The following RAPGEF2 variants were observed in gnomAD, a reference collection of about 807,000 sequenced individuals.
RAPGEF2 encodes the protein PDZ domain containing guanine nucleotide exchange factor (GEF) 1.
In RAPGEF2, 54 loss-of-function variants were observed where a neutral mutation model predicts 186.7. The ratio of observed to expected loss-of-function variants is 0.29; its 90% CI spans 0.23 to 0.36. The LOEUF (loss-of-function observed/expected upper bound fraction) is 0.36, where lower values mean the gene tolerates loss of function less well. Ranked by LOEUF, RAPGEF2 falls within the 10% of genes least tolerant of loss-of-function variation. The pLI, the probability that RAPGEF2 is intolerant of heterozygous loss-of-function variation, is 1.00. For missense variants in RAPGEF2, 1,532 were observed against 2,045.0 expected (o/e 0.75, Z 4.84); for synonymous variants, 712 against 705.9 (o/e 1.01, Z -0.14).
intron 7 of RAPGEF2, chr4:159,266,887 AT>A (rs1208117725): frequency 2.8e-4 from 50 of 181,014 alleles, no homozygotes; most frequent in Admixed American, 2.7e-3. Flanking sequence ...CAGTGATATT[AT>A]TTGGAGTCAG....
At position 159,332,795 on chromosome 4, in the gene RAPGEF2, G is replaced by C. The variant is rs80202817; in HGVS notation, c.2135+98G>C. ...TAATGTTTGCATGAGTCTGAAAACT[G>C]TTCTAGGTTTTTATGACTGAGCTAT... is the stretch of plus-strand genomic sequence containing the variant. On this transcript the variant is annotated intron_variant, in intron 17 of 29. Transcript: ENST00000691494. 23 of 1,386,984 alleles carry C rather than the reference G, an allele frequency of 1.7e-5. No individual in the cohort carries two copies. In the East Asian group the frequency reaches 5.4e-4, roughly 33 times the overall value. The allele number at this position is 1,386,984 out of a possible 1,614,324, so 85.9% of individuals were successfully genotyped here. A position where few individuals can be genotyped will look rare whatever the true frequency, so the allele number is the denominator to read the frequency against.
Position 159,331,611 on chromosome 4 carries a change from T to G in RAPGEF2, c.1576-19T>G, listed in dbSNP as rs750913546. The G allele has an allele frequency of 3.1e-6, 5 of 1,613,858 alleles. No homozygotes were observed. The highest frequency in any genetic ancestry group is 4.2e-6 in the Non-Finnish European group (5 of 1,179,734). On this transcript the variant is annotated intron_variant, in intron 14 of 29. Transcript: ENST00000691494. ...CAGCCTGTTCTTGAGTTGACACTAC[T>G]GTTTCTGAACTCTTAAAGAAAATGG...
intron 1 of RAPGEF2, among the ~76,000 whole-genome samples, chr4:159,182,480 CCTT>C (rs1747126870): frequency 6.9e-6 from 1 of 144,418 alleles, no homozygotes; most frequent in African/African-American, 2.6e-5. Flanking sequence ...ACTGCAACCT[CCTT>C]CTCCTGGGTT....
chr4:159,265,362 G>A (rs1757316016), intron 7 of RAPGEF2, among the ~76,000 whole-genome samples: 1 of 152,186 alleles, frequency 6.6e-6, no homozygotes, highest in African/African-American at 2.4e-5. Context: ...ACACTAACAT[G>A]AGATTTCTGA....
chr4:159,172,099 G>A (rs1260381461), intron 1 of RAPGEF2, among the ~76,000 whole-genome samples: 1 of 152,136 alleles, frequency 6.6e-6, no homozygotes, highest in African/African-American at 2.4e-5. Context: ...AGCTTATCAA[G>A]GATCTCAACT....
chr4:159,121,005 C>T (rs917975422), intron 1 of RAPGEF2, among the ~76,000 whole-genome samples: 23 of 152,224 alleles, frequency 1.5e-4, no homozygotes, highest in Non-Finnish European at 1.0e-4. Flanking sequence ...TCGGCACCCA[C>T]CACCACGCCC....
chr4:159,182,585 G>T (rs1329030191), intron 1 of RAPGEF2, among the ~76,000 whole-genome samples: 1 of 151,806 alleles, frequency 6.6e-6, no homozygotes, highest in African/African-American at 2.4e-5. Context: ...CAGCAGAGAT[G>T]GGGTTTCACC....
chr4:159,351,218 G>C (rs1731127424), intron 26 of RAPGEF2: 3 of 1,518,516 alleles, frequency 2.0e-6, no homozygotes, highest in Admixed American at 2.0e-5. Context: ...GTGGGAAAGA[G>C]AGGAATCATC....
At chr4:159,195,496 C>G (rs556640265) in intron 3 of RAPGEF2, among the ~76,000 whole-genome samples, 2 of 152,294 alleles carry the variant, frequency 1.3e-5, no homozygotes, top group African/African-American at 4.8e-5. Context: ...CATTCATTTA[C>G]TTATTCTTCG....
At chr4:159,352,989 T>C in intron 27 of RAPGEF2, 79 bp downstream of exon 27, 1 of 1,296,402 alleles carries the variant, frequency 7.7e-7, no homozygotes, top group Non-Finnish European at 1.1e-6. Context: ...TTCCAGTGTT[T>C]GTTTTTATTT....
At chr4:159,152,709 C>T (rs1743689430) in intron 1 of RAPGEF2, among the ~76,000 whole-genome samples, 1 of 152,160 alleles carries the variant, frequency 6.6e-6, no homozygotes, top group East Asian at 1.9e-4. Context: ...GCTCTGCCAC[C>T]CAGGTTCACG....
In RAPGEF2 at chr4:159,226,778, G is replaced by T. The variant is rs148163265; in HGVS notation, c.282-12031G>T. 4.2e-3 allele frequency among the ~76,000 whole-genome samples: 645 copies of T among 152,230 alleles called. 6 individuals are homozygous for T. Among genetic ancestry groups the T allele is most frequent in the African/African-American group, 0.015 (621 of 41,548 alleles). On this transcript the variant is annotated intron_variant, in intron 4 of 29. Coordinates refer to ENST00000691494, the MANE Select transcript of RAPGEF2 (RefSeq NM_001394067.2). ...CTTCAGTCTATAAGGGAGAGTCTCT[G>T]AAACAGAGGTTAAGCAATATTGCCA...
At chr4:159,334,855 A>G (rs1284842852) in intron 17 of RAPGEF2, among the ~76,000 whole-genome samples, 2 of 152,238 alleles carry the variant, frequency 1.3e-5, no homozygotes, top group Non-Finnish European at 2.9e-5. Flanking sequence ...CATCTTAAAT[A>G]ATTTGTATTT....
intron 7 of RAPGEF2, among the ~76,000 whole-genome samples, chr4:159,300,839 C>T (rs1181180484): frequency 1.3e-5 from 2 of 152,022 alleles, no homozygotes; most frequent in African/African-American, 2.4e-5. Context: ...TCTGTGTTTC[C>T]CTGATGGCCT....
At chr4:159,111,581 A>G (rs1395748561) in intron 1 of RAPGEF2, among the ~76,000 whole-genome samples, 5 of 152,232 alleles carry the variant, frequency 3.3e-5, no homozygotes, top group Non-Finnish European at 2.9e-5. Flanking sequence ...ATTAATCATT[A>G]GGTCATTCTG....
At position 159,358,500 on chromosome 4, in the gene RAPGEF2, T is replaced by C. The variant is rs1276375035; in HGVS notation, c.*361T>C. The C allele has an allele frequency of 4.2e-6, 1 of 239,606 alleles. No homozygotes were observed. Among genetic ancestry groups the C allele is most frequent in the Non-Finnish European group, 7.9e-6 (1 of 126,008 alleles). The allele number at this position is 239,606 out of a possible 1,614,324, so 14.8% of individuals were successfully genotyped here. On this transcript the variant is annotated 3_prime_UTR_variant, in exon 30 of 30. Coordinates refer to ENST00000691494, the MANE Select transcript of RAPGEF2 (RefSeq NM_001394067.2). ...CTTCTCAATGCCTGGAAGGATTTTT[T>C]TTAATCTTCCTTTTAGATTTCAATC... is the stretch of plus-strand genomic sequence containing the variant.
intron 22 of RAPGEF2, 110 bp downstream of exon 22, chr4:159,343,514 G>GAA: frequency 6.5e-6 from 9 of 1,374,792 alleles, no homozygotes; most frequent in Non-Finnish European, 9.0e-6. Context: ...TAGTACGGCA[G>GAA]AAATTATAGT....
At chr4:159,338,603 T>C (rs55670915) in intron 18 of RAPGEF2, 135 bp downstream of exon 18, 116,530 of 989,290 alleles carry the variant, frequency 0.12, 7,511 homozygotes, top group Admixed American at 0.2. Flanking sequence ...ACTTAAACTT[T>C]AAGATTTTTG....
intron 25 of RAPGEF2, among the ~76,000 whole-genome samples, chr4:159,349,129 A>G (rs1293759232): frequency 6.6e-6 from 1 of 152,214 alleles, no homozygotes; most frequent in Non-Finnish European, 1.5e-5. Context: ...CCATTCAATT[A>G]GCTTTATTTC....
Sources: gnomAD v4.1 joint callset for allele counts (sites outside exome capture counted in the v4.1 genomes callset) on GRCh38, gnomAD v4.1.1 for gene constraint, MANE v1.5 for transcripts, NCBI Gene and HGNC (gene_info 2026-07-23, HGNC 2026-07-21) for gene names.